NRG2: variants seen among roughly 807,000 people sequenced by gnomAD.
NRG2 encodes neuregulin 2, also known as pro-neuregulin-2, membrane-bound isoform.
NRG2 carries 27 observed loss-of-function variants against 73.9 expected under a neutral mutation model. The ratio of observed to expected loss-of-function variants is 0.37; its 90% confidence interval spans 0.27 to 0.50. NRG2 has a LOEUF of 0.50. Among genes scored for constraint, NRG2 ranks in the 20% least tolerant of loss-of-function variants. The pLI is 0.96. For synonymous variants in NRG2, 532 were observed against 541.0 expected (o/e 0.98, Z 0.23); for missense variants, 1,126 against 1,210.1 (o/e 0.93, Z 1.03).
intron 1 of NRG2, among the ~76,000 whole-genome samples, chr5:139,905,153 C>T (rs1267124800): frequency 6.6e-6 from 1 of 152,224 alleles, no homozygotes; most frequent in East Asian, 1.9e-4. Context: ...ACAGCCCAGG[C>T]TGCCGGCACC....
chr5:139,971,517 G>A (rs1352149556), intron 1 of NRG2, among the ~76,000 whole-genome samples: 1 of 152,046 alleles, frequency 6.6e-6, no homozygotes, highest in Non-Finnish European at 1.5e-5. Context: ...CTCAAAATAG[G>A]TCAAACATGC....
Position 139,887,499 on chromosome 5 carries a change from T to A in NRG2, c.713A>T (p.Lys238Met). The change falls in exon 2 of 10, where the codon AAG becomes ATG. Residue 238 changes from lysine to methionine, a missense_variant. Physicochemically the swap from Lys to Met is moderately conservative, Grantham distance 95. Around this residue, in one of 3 missense-constraint regions of NRG2, gnomAD observed 539 missense variants for 703.2 expected, o/e 0.77. Coordinates refer to ENST00000361474, the MANE Select transcript of NRG2 (RefSeq NM_004883.3). The surrounding 1 kb of genome is among the most constrained non-coding windows in gnomAD (Gnocchi z 4.5). ...CGTCTGGCTCTTCATCTTCTTCAAC[T>A]TGGGCCGGGTGGCTGTGGGTTACAA... ...ILCTDCATRP[K>M]LKKMKSQTGQ... 6.2e-7 allele frequency: 1 copy of A among 1,614,046 alleles called. No individual in the cohort carries two copies. The highest frequency in any genetic ancestry group is 1.1e-5 in the South Asian group (1 of 91,050).
chr5:139,900,055 T>G (rs1361240654), intron 1 of NRG2, among the ~76,000 whole-genome samples: 2 of 152,228 alleles, frequency 1.3e-5, no homozygotes, highest in African/African-American at 4.8e-5. Flanking sequence ...AAGTTGGTCA[T>G]GGACATGTTT....
chr5:139,891,618 T>A (rs1165027585), intron 1 of NRG2, among the ~76,000 whole-genome samples: 1 of 146,892 alleles, frequency 6.8e-6, no homozygotes, highest in Non-Finnish European at 1.5e-5. Context: ...CAACAGGAAA[T>A]ATGAGACAGT....
At chr5:139,950,866 AC>A (rs1211262576) in intron 1 of NRG2, among the ~76,000 whole-genome samples, 1 of 151,972 alleles carries the variant, frequency 6.6e-6, no homozygotes, top group East Asian at 1.9e-4. Flanking sequence ...ATTTCAACCC[AC>A]CACTCAGCCC....
intron 1 of NRG2, among the ~76,000 whole-genome samples, chr5:139,964,633 G>T (rs1423779074): frequency 6.6e-6 from 1 of 152,182 alleles, no homozygotes; most frequent in African/African-American, 2.4e-5. Context: ...ACAGGCATTT[G>T]CAGACAGGCT....
chr5:140,038,942 T>C (rs1305134039), intron 1 of NRG2, among the ~76,000 whole-genome samples: 2 of 152,218 alleles, frequency 1.3e-5, no homozygotes, highest in African/African-American at 4.8e-5. Flanking sequence ...ATTCTTTAAA[T>C]AAACAGCATT....
At position 139,974,764 on chromosome 5, in the gene NRG2, T is replaced by C. The variant is rs556278059; in HGVS notation, c.700+67606A>G. ...CACCCAGCCTCGGGACCAACTGTTCTCAGCACCAAGGTTGAGGACAGCAAC... is the reference window on the plus strand; with the variant it reads ...CACCCAGCCTCGGGACCAACTGTTCCCAGCACCAAGGTTGAGGACAGCAAC... On this transcript the variant is annotated intron_variant, in intron 1 of 9. Transcript: ENST00000361474. Among the ~76,000 whole-genome samples the C allele has an allele frequency of 5.3e-5, 8 of 152,298 alleles. No homozygotes were observed. The South Asian group carries it at 1.7e-3, about 32-fold the overall frequency.
chr5:139,848,470 C>T lies in NRG2; in HGVS notation c.2000G>A (p.Gly667Asp). 1 of 1,330,762 alleles carries T rather than the reference C, an allele frequency of 7.5e-7. No homozygotes were observed. Among genetic ancestry groups the T allele is most frequent in the Non-Finnish European group, 9.5e-7 (1 of 1,055,768 alleles). 82.4% of individuals were successfully genotyped at this position (1,330,762 alleles called of 1,614,324 possible). A position where few individuals can be genotyped will look rare whatever the true frequency, so the allele number is the denominator to read the frequency against. Residue 667 changes from glycine to aspartate, a missense_variant, in exon 10 of 10, where the codon GGC (glycine) becomes GAC (aspartate). Gly to Asp is a moderately conservative substitution (Grantham distance 94). Around this residue, in one of 3 missense-constraint regions of NRG2, gnomAD observed 402 missense variants for 357.8 expected, o/e 1.12. Coordinates refer to ENST00000361474, the MANE Select transcript of NRG2 (RefSeq NM_004883.3). ...GPGPGPGPGPGADMQRSYDSY... is the reference protein window; with the variant it reads ...GPGPGPGPGPDADMQRSYDSY... ...GTCATAGCTGCGCTGCATGTCTGCG[C>T]CGGGCCCGGGCCCGGGCCCGGGTCC... is the stretch of plus-strand genomic sequence containing the variant.
At chr5:139,876,023 A>G (rs1365513692) in intron 3 of NRG2, among the ~76,000 whole-genome samples, 1 of 152,232 alleles carries the variant, frequency 6.6e-6, no homozygotes, top group African/African-American at 2.4e-5. Flanking sequence ...TGCTCACACA[A>G]AAACTTGTGC....
chr5:139,862,617 T>A (rs1762227122), intron 5 of NRG2, among the ~76,000 whole-genome samples: 1 of 152,272 alleles, frequency 6.6e-6, no homozygotes, highest in Non-Finnish European at 1.5e-5. Context: ...AGTCATAGGC[T>A]GCCTGGACAA....
intron 1 of NRG2, among the ~76,000 whole-genome samples, chr5:139,956,648 G>A (rs1218839728): frequency 6.6e-6 from 1 of 152,198 alleles, no homozygotes; most frequent in African/African-American, 2.4e-5. Context: ...ACCAGGCAAA[G>A]GTCATAAGGT....
chr5:139,973,231 T>A (rs1756114588), intron 1 of NRG2, among the ~76,000 whole-genome samples: 1 of 150,896 alleles, frequency 6.6e-6, no homozygotes, highest in South Asian at 2.1e-4. Context: ...TAAACTAAAT[T>A]TCTAATAATA....
chr5:140,016,123 C>A (rs1187451224), intron 1 of NRG2, among the ~76,000 whole-genome samples: 2 of 152,152 alleles, frequency 1.3e-5, no homozygotes, highest in African/African-American at 2.4e-5. Flanking sequence ...AGCAACAGGC[C>A]TTCCTGACTC....
chr5:139,874,181 C>G (rs867359779), intron 3 of NRG2, among the ~76,000 whole-genome samples: 11 of 152,376 alleles, frequency 7.2e-5, no homozygotes, highest in Middle Eastern at 3.4e-3. Flanking sequence ...TTACACTGTT[C>G]TAGCACGCGT....
At position 139,867,801 on chromosome 5, in the gene NRG2, A is replaced by AGTGTGTGT. The variant is rs1202470798; in HGVS notation, c.1113-2184_1113-2177dup. Among the ~76,000 whole-genome samples, 525 of 79,504 alleles carry AGTGTGTGT rather than the reference A, an allele frequency of 6.6e-3. 3 individuals carry two copies. The highest frequency in any genetic ancestry group is 0.013 in the South Asian group (30 of 2,302). 52.2% of individuals were successfully genotyped at this position (79,504 alleles called of 152,430 possible). ...GTGTGTGTGTGTGTGTGTGTGTATG[A>AGTGTGTGT]GTGTGTGTGTGTGTGTGTGTGTGTG... On this transcript the variant is annotated intron_variant, in intron 4 of 9. Transcript: ENST00000361474.
In NRG2 at chr5:139,847,960, C is replaced by T; in HGVS notation, c.2510G>A (p.Arg837His). The T allele has an allele frequency of 6.6e-7, 1 of 1,508,960 alleles. No individual in the cohort carries two copies. 93.5% of individuals were successfully genotyped at this position (1,508,960 alleles called of 1,614,324 possible). The change falls in exon 10 of 10, where the codon CGC (arginine) becomes CAC (histidine). Residue 837 changes from arginine (R) to histidine (H), a missense_variant. Arg to His is a conservative substitution (Grantham distance 29). This residue lies in a region of NRG2 where 402 missense variants were observed against 357.8 expected (regional missense o/e 1.12). Transcript: ENST00000361474. The part of the protein sequence containing the change: ...HSTRASSRHS[R>H]GPPPRAKQDS... The stretch of plus-strand genomic sequence containing the variant: ...CTGCTTGGCCCGCGGGGGCGGCCCG[C>T]GGCTGTGTCTGCTGCTGGCCCGCGT...
intron 1 of NRG2, among the ~76,000 whole-genome samples, chr5:139,905,167 T>G (rs59795924): frequency 1.3e-5 from 2 of 152,156 alleles, no homozygotes; most frequent in Non-Finnish European, 1.5e-5. Context: ...CGGCACCAGC[T>G]GGCTCCTCTC....
At chr5:139,984,392 T>G (rs912225825) in intron 1 of NRG2, among the ~76,000 whole-genome samples, 1 of 152,184 alleles carries the variant, frequency 6.6e-6, no homozygotes, top group Admixed American at 6.5e-5. Flanking sequence ...AAAAGCAGTA[T>G]ATAAAATTAC....
Sources: gnomAD v4.1 joint callset for allele counts (sites outside exome capture counted in the v4.1 genomes callset) on GRCh38, gnomAD v4.1.1 for gene constraint, gnomAD v4.1.1 regional missense constraint, Gnocchi (gnomAD v3.1) non-coding constraint, MANE v1.5 for transcripts, NCBI Gene and HGNC (gene_info 2026-07-23, HGNC 2026-07-21) for gene names.